The following TUBB4A variants were observed in gnomAD, a reference collection of about 807,000 sequenced individuals.
TUBB4A encodes tubulin beta 4A class IVa, also known as tubulin beta-4A chain.
In TUBB4A, 13 loss-of-function variants were observed where a neutral mutation model predicts 35.1. That is an observed-to-expected ratio of 0.37 (90% CI 0.24 to 0.59). The LOEUF (loss-of-function observed/expected upper bound fraction) is 0.59. Ranked by LOEUF, TUBB4A falls within the 20% of genes least tolerant of loss-of-function variation. TUBB4A has a pLI of 0.71. For synonymous variants in TUBB4A, 279 were observed against 272.4 expected (o/e 1.02, Z -0.24); for missense variants, 299 against 647.2 (o/e 0.46, Z 5.84).
chr19:6,502,535 G>A (rs544242856), upstream of TUBB4A: 8 of 330,806 alleles, frequency 2.4e-5, no homozygotes, highest in East Asian at 2.9e-4. Flanking sequence ...AGCCACCAGT[G>A]CAGTCTCCCC....
At chr19:6,502,048 G>A in intron 1 of TUBB4A, 108 bp downstream of exon 1, 6 of 1,255,978 alleles carry the variant, frequency 4.8e-6, no homozygotes, top group Non-Finnish European at 2.1e-6. Flanking sequence ...GCCTCCTGGG[G>A]ACCTCATTCC....
At chr19:6,496,641 T>TAATAATGAC (rs1555754323) in intron 3 of TUBB4A, among the ~76,000 whole-genome samples, 1 of 146,482 alleles carries the variant, frequency 6.8e-6, no homozygotes, top group African/African-American at 2.5e-5. Context: ...AAAATAATAA[T>TAATAATGAC]AATAATAATA....
chr19:6,499,679 C>A (rs1478723304), intron 3 of TUBB4A, among the ~76,000 whole-genome samples: 1 of 152,210 alleles, frequency 6.6e-6, no homozygotes, highest in Non-Finnish European at 1.5e-5. Flanking sequence ...CAGTCCAAAT[C>A]CTACTCACAT....
chr19:6,496,086 G>A lies in TUBB4A; in HGVS notation c.413C>T (p.Ser138Leu). The A allele has an allele frequency of 6.2e-7, 1 of 1,614,166 alleles. No homozygotes were observed. Among genetic ancestry groups the A allele is most frequent in the Non-Finnish European group, 8.5e-7 (1 of 1,180,028 alleles). The change falls in exon 4 of 4, where the codon TCG (serine) becomes TTG (leucine). Residue 138 changes from serine to leucine, a missense_variant. Coordinates refer to ENST00000264071, the MANE Select transcript of TUBB4A (RefSeq NM_006087.4). Reference protein sequence around the residue: ...DCLQGFQLTHSLGGGTGSGMG... With the variant: ...DCLQGFQLTHLLGGGTGSGMG... ...TCCGGACCCCGTGCCACCCCCCAGC[G>A]AGTGGGTCAGCTGGAAGCCCTGAAG... is the stretch of plus-strand genomic sequence containing the variant.
At chr19:6,500,461 C>A (rs998835005) in intron 3 of TUBB4A, among the ~76,000 whole-genome samples, 3 of 152,078 alleles carry the variant, frequency 2.0e-5, no homozygotes, top group Admixed American at 6.6e-5. Context: ...ACGAGGAGGC[C>A]GGGCAAGGTG....
At chr19:6,502,572 C>G (rs2145262711), upstream of TUBB4A, 1 of 239,172 alleles carries the variant, frequency 4.2e-6, no homozygotes, top group East Asian at 8.5e-5. Context: ...CAGGCTTGGC[C>G]ACCCGCAGAA....
At position 6,501,950 on chromosome 19, in the gene TUBB4A, C is replaced by T. The variant is rs987915345; in HGVS notation, c.57+206G>A. 6.6e-6 allele frequency among the ~76,000 whole-genome samples: 1 copy of T among 152,174 alleles called. No individual in the cohort carries two copies. The highest frequency in any genetic ancestry group is 1.5e-5 in the Non-Finnish European group (1 of 68,012). Reference sequence around the variant, plus strand: ...CTGTGACAGGCGGACAGAAGGCTGGCTCCCACTCTCCGCAGCCTCTTTGTT... The same window carrying T: ...CTGTGACAGGCGGACAGAAGGCTGGTTCCCACTCTCCGCAGCCTCTTTGTT... On this transcript the variant is annotated intron_variant, in intron 1 of 3. Transcript: ENST00000264071. The surrounding 1 kb of genome is among the most constrained non-coding windows in gnomAD (Gnocchi z 4.2).
At chr19:6,502,028 G>A in intron 1 of TUBB4A, 128 bp downstream of exon 1, 1 of 1,061,382 alleles carries the variant, frequency 9.4e-7, no homozygotes, top group Non-Finnish European at 1.3e-6. Flanking sequence ...AAGGCCCCTG[G>A]GGCGCGCTGG....
intron 3 of TUBB4A, among the ~76,000 whole-genome samples, chr19:6,497,052 T>A (rs1568410580): frequency 5.4e-4 from 37 of 68,434 alleles, no homozygotes; most frequent in Non-Finnish European, 5.4e-4. Flanking sequence ...TATATATATA[T>A]ATATATATAT....
Position 6,495,654 on chromosome 19 carries a change from C to T in TUBB4A, c.845G>A (p.Arg282Gln), listed in dbSNP as rs756762431. The change falls in exon 4 of 4, where the codon CGG (arginine) becomes CAG (glutamine). Residue 282 changes from arginine to glutamine, a missense_variant. Physicochemically the swap from Arg to Gln is conservative, Grantham distance 43. Coordinates refer to ENST00000264071, the MANE Select transcript of TUBB4A (RefSeq NM_006087.4). This position sits in a 1 kb window ranked among gnomAD's most constrained non-coding sequence, Gnocchi z 8.7. ...GGTGAGCTCGGGCACCGTCAGGGCCCGGTACTGCTGGCTGCCCCGGCTGGT... is the reference window on the plus strand; with the variant it reads ...GGTGAGCTCGGGCACCGTCAGGGCCTGGTACTGCTGGCTGCCCCGGCTGGT... ...PLTSRGSQQYRALTVPELTQQ... is the reference protein window; with the variant it reads ...PLTSRGSQQYQALTVPELTQQ... 6 of 1,613,924 alleles carry T rather than the reference C, an allele frequency of 3.7e-6. No homozygotes were observed. The highest frequency in any genetic ancestry group is 2.2e-5 in the East Asian group (1 of 44,890).
At chr19:6,500,992 T>C in intron 3 of TUBB4A, 1 of 387,210 alleles carries the variant, frequency 2.6e-6, no homozygotes. Flanking sequence ...GTTGAATGCA[T>C]GAAGTGGCAG....
rs1568409002 is a variant in TUBB4A at position 6,495,213 on chromosome 19, G to A, written c.1286C>T (p.Thr429Met). 2.5e-6 allele frequency: 4 copies of A among 1,613,936 alleles called. No homozygotes were observed. The highest frequency in any genetic ancestry group is 1.1e-5 in the South Asian group (1 of 91,080). ...CTCCTCGAACTCGCCCTCCTCGGCC[G>A]TGGCGTCCTGGTACTGCTGGTACTC... Reference protein sequence around the residue: ...VSEYQQYQDATAEEGEFEEEA... With the variant: ...VSEYQQYQDAMAEEGEFEEEA... The change falls in exon 4 of 4, where the codon ACG (threonine) becomes ATG (methionine). Residue 429 changes from threonine (T) to methionine (M), a missense_variant. Thr to Met is a moderately conservative substitution (Grantham distance 81, BLOSUM62 -1). Coordinates refer to ENST00000264071, the MANE Select transcript of TUBB4A (RefSeq NM_006087.4). This position sits in a 1 kb window ranked among gnomAD's most constrained non-coding sequence, Gnocchi z 8.7.
intron 3 of TUBB4A, among the ~76,000 whole-genome samples, chr19:6,496,632 A>AAATAATAATAATAAT (rs143972720): frequency 5.9e-4 from 85 of 143,446 alleles, no homozygotes; most frequent in Non-Finnish European, 1.0e-3. Flanking sequence ...CTCCGTCTCA[A>AAATAATAATAATAAT]AATAATAATA....
At chr19:6,502,062 C>T (rs1599415270) in intron 1 of TUBB4A, 94 bp downstream of exon 1, 3 of 1,376,484 alleles carry the variant, frequency 2.2e-6, no homozygotes, top group Admixed American at 5.3e-5. Flanking sequence ...TCATTCCTTT[C>T]CAAAGACTCC....
In TUBB4A at chr19:6,494,389, C is replaced by G. The variant is rs1297807540; in HGVS notation, c.*775G>C. On this transcript the variant is annotated 3_prime_UTR_variant, in exon 4 of 4. Transcript: ENST00000264071. ...CGGGGAGGGAGGGTAGGGGTGACCT[C>G]TCTTCCTCACAGGCACCAGGCCTTG... The G allele has an allele frequency of 6.6e-6, 1 of 152,166 alleles. No individual in the cohort carries two copies. The highest frequency in any genetic ancestry group is 1.5e-5 in the Non-Finnish European group (1 of 68,134). 9.4% of individuals were successfully genotyped at this position (152,166 alleles called of 1,614,324 possible).
rs751733505 is a variant in TUBB4A at position 6,495,170 on chromosome 19, C to T, written c.1329G>A (p.Val443=). Residue 443 remains valine (V), a synonymous_variant, in exon 4 of 4, where the codon GTG becomes GTA. Coordinates refer to ENST00000264071, the MANE Select transcript of TUBB4A (RefSeq NM_006087.4). The surrounding 1 kb of genome is among the most constrained non-coding windows in gnomAD (Gnocchi z 8.7). Reference sequence around the variant, plus strand: ...GGGAAGCGATGGGAGCAGCCTAGGCCACCTCCTCCTCCGCCTCCTCCTCGA... The same window carrying T: ...GGGAAGCGATGGGAGCAGCCTAGGCTACCTCCTCCTCCGCCTCCTCCTCGA... ...GEFEEEAEEE[V]A is the part of the protein sequence containing the mutation. 17 of 1,613,654 alleles carry T rather than the reference C, an allele frequency of 1.1e-5. No homozygotes were observed. Among genetic ancestry groups the T allele is most frequent in the South Asian group, 3.3e-5 (3 of 91,062 alleles).
At chr19:6,502,591 G>A (rs112569866), upstream of TUBB4A, 15,983 of 219,268 alleles carry the variant, frequency 0.073, 829 homozygotes, top group Non-Finnish European at 0.1. Context: ...AAATTGGGCG[G>A]AGGAAGGGAG....
At position 6,502,243 on chromosome 19, in the gene TUBB4A, G is replaced by A. The variant is rs373565730; in HGVS notation, c.-31C>T. The A allele has an allele frequency of 6.6e-7, 1 of 1,504,258 alleles. No individual in the cohort carries two copies. Among genetic ancestry groups the A allele is most frequent in the South Asian group, 1.2e-5 (1 of 80,442 alleles). 93.2% of individuals were successfully genotyped at this position (1,504,258 alleles called of 1,614,324 possible). A position where few individuals can be genotyped will look rare whatever the true frequency, so the allele number is the denominator to read the frequency against. On this transcript the variant is annotated 5_prime_UTR_variant, in exon 1 of 4. Coordinates refer to ENST00000264071, the MANE Select transcript of TUBB4A (RefSeq NM_006087.4). Reference sequence around the variant, plus strand: ...TGGCGCTGAGGGTGGACGCGGCGGCGGTGGCACGAGCGCGGGGAGCTGCGG... The same window carrying A: ...TGGCGCTGAGGGTGGACGCGGCGGCAGTGGCACGAGCGCGGGGAGCTGCGG...
At chr19:6,497,051 AT>A in intron 3 of TUBB4A, among the ~76,000 whole-genome samples, 1 of 87,986 alleles carries the variant, frequency 1.1e-5, no homozygotes, top group Non-Finnish European at 2.2e-5. Flanking sequence ...ATATATATAT[AT>A]ATATATATAT....
Sources: gnomAD v4.1 joint callset for allele counts (sites outside exome capture counted in the v4.1 genomes callset) on GRCh38, gnomAD v4.1.1 for gene constraint, Gnocchi (gnomAD v3.1) non-coding constraint, MANE v1.5 for transcripts, NCBI Gene and HGNC (gene_info 2026-07-23, HGNC 2026-07-21) for gene names.